The following ABTB3 variants were observed in gnomAD, a reference collection of about 807,000 sequenced individuals.
ABTB3 encodes the protein ankyrin repeat- and BTB/POZ domain-containing protein 3.
chr12:107,368,899 C>T, the ABTB3 span, among the ~76,000 whole-genome samples: 7 of 152,110 alleles, frequency 4.6e-5, 1 homozygote, highest in Admixed American at 4.6e-4. Flanking sequence ...CTTCTGTGAC[C>T]TGCCTATTCA....
chr12:107,472,717 G>A, the ABTB3 span, among the ~76,000 whole-genome samples: 1 of 152,232 alleles, frequency 6.6e-6, no homozygotes, highest in South Asian at 2.1e-4. Context: ...CCGCCGTTCG[G>A]TTCCCCAGAT....
chr12:107,655,256 A>AATATATATATAT, the ABTB3 span, among the ~76,000 whole-genome samples: 6 of 148,860 alleles, frequency 4.0e-5, no homozygotes, highest in African/African-American at 9.9e-5. Context: ...GCCTCTTTCA[A>AATATATATATAT]ATATATATAT....
At chr12:107,356,987 T>C in the ABTB3 span, among the ~76,000 whole-genome samples, 4 of 152,202 alleles carry the variant, frequency 2.6e-5, no homozygotes, top group African/African-American at 7.2e-5. Flanking sequence ...GCTCAACACC[T>C]ACTGATTGAA....
chr12:107,617,350 G>C, the ABTB3 span: 2 of 1,614,180 alleles, frequency 1.2e-6, no homozygotes, highest in Non-Finnish European at 1.7e-6. Context: ...CCGATCCCCT[G>C]ATAGGAACCA....
the ABTB3 span, among the ~76,000 whole-genome samples, chr12:107,495,255 G>A: frequency 2.0e-5 from 3 of 152,204 alleles, no homozygotes; most frequent in African/African-American, 4.8e-5. Context: ...CTTAGCCAGT[G>A]TCCAGCCTGT....
the ABTB3 span, among the ~76,000 whole-genome samples, chr12:107,449,457 CT>C: frequency 6.6e-6 from 1 of 152,170 alleles, no homozygotes; most frequent in African/African-American, 2.4e-5. Context: ...TTCTTCCTGG[CT>C]CAGGAGGCTC....
At chr12:107,625,910 G>A in the ABTB3 span, among the ~76,000 whole-genome samples, 1 of 152,164 alleles carries the variant, frequency 6.6e-6, no homozygotes, top group Non-Finnish European at 1.5e-5. Flanking sequence ...GACTTTTGCT[G>A]GCAAGGTGAG....
chr12:107,467,333 C>A, the ABTB3 span, among the ~76,000 whole-genome samples: 4 of 152,072 alleles, frequency 2.6e-5, no homozygotes, highest in Non-Finnish European at 5.9e-5. Context: ...ATGTGCCGTT[C>A]CAACAAGCAG....
At chr12:107,381,965 A>C in the ABTB3 span, among the ~76,000 whole-genome samples, 1 of 152,222 alleles carries the variant, frequency 6.6e-6, no homozygotes, top group African/African-American at 2.4e-5. Flanking sequence ...TAACTCATTC[A>C]ACAAATGTTT....
At chr12:107,643,752 C>CT in the ABTB3 span, among the ~76,000 whole-genome samples, 504 of 111,370 alleles carry the variant, frequency 4.5e-3, 8 homozygotes, top group East Asian at 0.021. Flanking sequence ...ATTGTTATTC[C>CT]TTTTTTTTTT....
the ABTB3 span, among the ~76,000 whole-genome samples, chr12:107,400,557 C>G: frequency 6.6e-6 from 1 of 152,032 alleles, no homozygotes; most frequent in African/African-American, 2.4e-5. Context: ...TTTTCTAGCC[C>G]GAGTCTCCTT....
chr12:107,627,752 C>A, the ABTB3 span, among the ~76,000 whole-genome samples: 2 of 152,168 alleles, frequency 1.3e-5, no homozygotes, highest in Non-Finnish European at 2.9e-5. Flanking sequence ...GTGAATATCC[C>A]AACCCAGTCA....
At chr12:107,658,885 G>A in the ABTB3 span, 1 of 152,532 alleles carries the variant, frequency 6.6e-6, no homozygotes, top group African/African-American at 2.4e-5. Context: ...ATGATAGGAT[G>A]GATTCTTTCT....
chr12:107,659,046 C>A, the ABTB3 span: 1 of 152,394 alleles, frequency 6.6e-6, no homozygotes, highest in African/African-American at 2.4e-5. Context: ...TCTTCTCGTT[C>A]TTTAATTTGA....
chr12:107,455,748 C>G, the ABTB3 span, among the ~76,000 whole-genome samples: 1 of 152,280 alleles, frequency 6.6e-6, no homozygotes, highest in South Asian at 2.1e-4. Flanking sequence ...GGACTGGGCT[C>G]TCTCACAGGT....
At chr12:107,475,671 G>A in the ABTB3 span, among the ~76,000 whole-genome samples, 1 of 151,958 alleles carries the variant, frequency 6.6e-6, no homozygotes, top group African/African-American at 2.4e-5. Flanking sequence ...GGGTTATTTT[G>A]TTTCCTGGTT....
the ABTB3 span, among the ~76,000 whole-genome samples, chr12:107,477,650 A>G: frequency 2.6e-5 from 4 of 152,174 alleles, no homozygotes; most frequent in Non-Finnish European, 5.9e-5. Context: ...ATTTGATTCT[A>G]TTCTATTTTA....
the ABTB3 span, among the ~76,000 whole-genome samples, chr12:107,341,151 T>G: frequency 6.6e-6 from 1 of 152,140 alleles, no homozygotes; most frequent in South Asian, 2.1e-4. Context: ...TCTCCCGCAA[T>G]AGCTGGGCCA....
chr12:107,396,824 G>C, the ABTB3 span, among the ~76,000 whole-genome samples: 2 of 152,112 alleles, frequency 1.3e-5, no homozygotes, highest in Non-Finnish European at 2.9e-5. Flanking sequence ...GGCAGCCCTT[G>C]ATCTTGAATT....
Sources: allele counts gnomAD v4.1 joint callset (sites outside exome capture counted in the v4.1 genomes callset), GRCh38; gene constraint gnomAD v4.1.1; transcripts MANE v1.5; gene names NCBI Gene and HGNC (gene_info 2026-07-23, HGNC 2026-07-21).